The following RETREG3 variants were observed in gnomAD, a reference collection of about 807,000 sequenced individuals.
RETREG3 encodes the protein reticulophagy regulator family member 3.
RETREG3 carries 23 observed loss-of-function variants against 50.2 expected under a neutral mutation model. That is an observed-to-expected ratio of 0.46 (90% confidence interval 0.33 to 0.65). The LOEUF (loss-of-function observed/expected upper bound fraction) is 0.65, where lower values mean the gene tolerates loss of function less well. RETREG3 is among the 30% of genes least tolerant of loss of function. The pLI is 0.02. For missense variants in RETREG3, 546 were observed against 598.0 expected, an observed-to-expected ratio of 0.91 and a Z score of 0.91; for synonymous variants, 240 against 234.4, an observed-to-expected ratio of 1.02 and a Z score of -0.22.
chr17:42,608,998 G>T, intron 1 of RETREG3, 88 bp downstream of exon 1: 1 of 1,343,392 alleles, frequency 7.4e-7, no homozygotes, highest in Non-Finnish European at 1.0e-6. Context: ...CCAGTGCAGC[G>T]AAGAAAACAG....
intron 1 of RETREG3, among the ~76,000 whole-genome samples, chr17:42,595,567 T>C (rs1401631053): frequency 6.6e-6 from 1 of 152,074 alleles, no homozygotes; most frequent in Non-Finnish European, 1.5e-5. Flanking sequence ...TGGCCATAAT[T>C]TTTAAAAATA....
At chr17:42,585,060 A>C in intron 6 of RETREG3, 65 bp downstream of exon 6, 1 of 1,586,886 alleles carries the variant, frequency 6.3e-7, no homozygotes, top group Admixed American at 1.7e-5. Context: ...AGTATGTCAG[A>C]CCTATGGGCT....
chr17:42,599,675 T>C (rs1400014286), intron 1 of RETREG3, among the ~76,000 whole-genome samples: 2 of 136,256 alleles, frequency 1.5e-5, no homozygotes, highest in Non-Finnish European at 3.2e-5. Flanking sequence ...AAAAAAATTA[T>C]ACAACTAACA....
At position 42,582,113 on chromosome 17, in the gene RETREG3, G is replaced by C. The variant is rs754024182; in HGVS notation, c.1101C>G (p.Pro367=). ...MYRSPPGAEE[P]QAPPASRDEA... ...CGTCCCGGCTGGCAGGTGGGGCCTG[G>C]GGCTCCTCAGCCCCTGGCGGAGAAC... is the stretch of plus-strand genomic sequence containing the variant. Residue 367 remains proline, a synonymous_variant, in exon 9 of 9, where the codon CCC becomes CCG. Transcript: ENST00000309428. 8.7e-6 allele frequency: 14 copies of C among 1,613,946 alleles called. No individual in the cohort carries two copies. Among genetic ancestry groups the C allele is most frequent in the Non-Finnish European group, 1.2e-5 (14 of 1,180,024 alleles).
At chr17:42,607,462 T>C (rs1597745459) in intron 1 of RETREG3, among the ~76,000 whole-genome samples, 1 of 131,266 alleles carries the variant, frequency 7.6e-6, no homozygotes, top group Non-Finnish European at 1.5e-5. Flanking sequence ...ATCATACCAC[T>C]GCACTCCAGC....
chr17:42,607,720 T>C (rs2093170764), intron 1 of RETREG3, among the ~76,000 whole-genome samples: 2 of 150,110 alleles, frequency 1.3e-5, no homozygotes, highest in South Asian at 4.2e-4. Context: ...GCAGGAGAAA[T>C]GCTTGAATCT....
At position 42,580,167 on chromosome 17, in the gene RETREG3, T is replaced by C. The variant is rs1472278578; in HGVS notation, c.*1646A>G. On this transcript the variant is annotated 3_prime_UTR_variant, in exon 9 of 9. Transcript: ENST00000309428. ...ATTTCACTAGGGGCTGCAGAACAGA[T>C]ACCCCTCAGAGGGGTCTCTGCTGAT... 1.3e-5 allele frequency: 2 copies of C among 152,340 alleles called. No individual in the cohort carries two copies. Among genetic ancestry groups the C allele is most frequent in the Non-Finnish European group, 2.9e-5 (2 of 68,044 alleles). 9.4% of individuals were successfully genotyped at this position (152,340 alleles called of 1,614,324 possible).
intron 1 of RETREG3, among the ~76,000 whole-genome samples, chr17:42,600,327 A>G (rs2093156245): frequency 6.6e-6 from 1 of 152,108 alleles, no homozygotes; most frequent in African/African-American, 2.4e-5. Context: ...GGTTGCAGTG[A>G]GCTCTGATTG....
intron 1 of RETREG3, among the ~76,000 whole-genome samples, chr17:42,603,308 T>G (rs2093161792): frequency 6.6e-6 from 1 of 152,210 alleles, no homozygotes; most frequent in Non-Finnish European, 1.5e-5. Flanking sequence ...TCCTTTGTTA[T>G]TACAGATTAA....
chr17:42,591,943 C>T, intron 2 of RETREG3, 113 bp downstream of exon 2: 3 of 898,006 alleles, frequency 3.3e-6, no homozygotes, highest in African/African-American at 1.7e-5. Flanking sequence ...ATTCAGACTT[C>T]AAAAGACAGT....
intron 6 of RETREG3, 27 bp downstream of exon 6, chr17:42,585,098 T>C (rs1379194103): frequency 6.2e-7 from 1 of 1,607,252 alleles, no homozygotes; most frequent in African/African-American, 1.3e-5. Context: ...ATTGCGTAAG[T>C]GGAAAGAATG....
intron 2 of RETREG3, 137 bp from the exon 3 acceptor site, chr17:42,588,001 CTG>C: frequency 6.7e-6 from 6 of 890,402 alleles, no homozygotes; most frequent in Non-Finnish European, 1.1e-5. Flanking sequence ...AAAGGAGACA[CTG>C]TGTTATACTG....
At position 42,583,574 on chromosome 17, in the gene RETREG3, C is replaced by T. The variant is rs534004137; in HGVS notation, c.734G>A (p.Arg245His). The T allele has an allele frequency of 2.8e-5, 45 of 1,613,068 alleles. No individual in the cohort carries two copies. Among genetic ancestry groups the T allele is most frequent in the East Asian group, 4.5e-5 (2 of 44,812 alleles). The change falls in exon 7 of 9, where the codon CGC becomes CAC. Residue 245 changes from arginine to histidine, a missense_variant. Arg to His is a conservative substitution (Grantham distance 29). Coordinates refer to ENST00000309428, the MANE Select transcript of RETREG3 (RefSeq NM_178126.4). ...MSKQRERQLR[R>H]RALHPERAMD... ...GGCTCGTTCTGGGTGGAGAGCTCTG[C>T]GGCGTACTGTGGGAAGAGCACAAAG...
chr17:42,597,523 GTATATATA>G (rs200368557), intron 1 of RETREG3, among the ~76,000 whole-genome samples: 8 of 117,024 alleles, frequency 6.8e-5, no homozygotes, highest in Non-Finnish European at 1.3e-4. Flanking sequence ...GTGTGTGTGT[GTATATATA>G]TATATATATA....
chr17:42,595,839 C>A (rs1242521973), intron 1 of RETREG3, among the ~76,000 whole-genome samples: 1 of 149,504 alleles, frequency 6.7e-6, no homozygotes, highest in Non-Finnish European at 1.5e-5. Context: ...GAGGTTGAGG[C>A]AGCAGTGAAC....
chr17:42,581,021 A>G lies in RETREG3; in HGVS notation c.*792T>C, dbSNP rs2093106738. ...GCCACTGCACTCCAGCCTGGGCAACAGAGAGAGACTCTGTCTCAAAAAAAA... is the reference window on the plus strand; with the variant it reads ...GCCACTGCACTCCAGCCTGGGCAACGGAGAGAGACTCTGTCTCAAAAAAAA... On this transcript the variant is annotated 3_prime_UTR_variant, in exon 9 of 9. Transcript: ENST00000309428. 1 of 145,442 alleles carries G rather than the reference A, an allele frequency of 6.9e-6. No individual in the cohort carries two copies. The highest frequency in any genetic ancestry group is 1.5e-5 in the Non-Finnish European group (1 of 66,610). The allele number at this position is 145,442 out of a possible 1,614,324, so 9.0% of individuals were successfully genotyped here.
intron 1 of RETREG3, among the ~76,000 whole-genome samples, chr17:42,593,262 G>A (rs1291341975): frequency 6.6e-6 from 1 of 152,074 alleles, no homozygotes; most frequent in Non-Finnish European, 1.5e-5. Context: ...AAGACTGCAA[G>A]GGCGGTTTAA....
At chr17:42,593,518 C>G (rs1337857029) in intron 1 of RETREG3, among the ~76,000 whole-genome samples, 1 of 151,786 alleles carries the variant, frequency 6.6e-6, no homozygotes, top group Non-Finnish European at 1.5e-5. Flanking sequence ...GGCATGGTGG[C>G]GGGCGCCTGT....
intron 4 of RETREG3, 64 bp from the exon 5 acceptor site, chr17:42,586,201 G>A (rs1345245071): frequency 8.0e-6 from 12 of 1,494,482 alleles, no homozygotes; most frequent in Non-Finnish European, 1.1e-5. Flanking sequence ...TGGGTGTGAA[G>A]GGTTAGGGTA....
Sources: allele counts gnomAD v4.1 joint callset (sites outside exome capture counted in the v4.1 genomes callset), GRCh38; gene constraint gnomAD v4.1.1; transcripts MANE v1.5; gene names NCBI Gene and HGNC (gene_info 2026-07-23, HGNC 2026-07-21).